Variants in CELF4 observed in about 807,000 individuals in gnomAD.
CELF4 encodes the protein CUG-BP- and ETR-3-like factor 4.
In CELF4, 18 loss-of-function variants were observed where a neutral mutation model predicts 59.9. That is an observed-to-expected ratio of 0.30 (90% CI 0.21 to 0.45). The LOEUF is 0.45. Among genes scored for constraint, CELF4 ranks in the 20% least tolerant of loss-of-function variants. The pLI is 1.00. For missense variants in CELF4, 456 were observed against 689.0 expected (o/e 0.66, Z 3.79); for synonymous variants, 261 against 267.1 (o/e 0.98, Z 0.22).
In CELF4 at chr18:37,245,183, G is replaced by A. The variant is rs1014434895; in HGVS notation, c.*59C>T. On this transcript the variant is annotated 3_prime_UTR_variant, in exon 13 of 13. Transcript: ENST00000420428. This position sits in a 1 kb window ranked among gnomAD's most constrained non-coding sequence, Gnocchi z 4.1. ...AGAGGTTTGTTTTTTAATGTAGCCC[G>A]TTCAGCATCCTGCCCTAAAATGAAG... 3.3e-5 allele frequency: 5 copies of A among 152,154 alleles called. No homozygotes were observed. Among genetic ancestry groups the A allele is most frequent in the East Asian group, 1.9e-4 (1 of 5,170 alleles). The allele number at this position is 152,154 out of a possible 1,614,324, so 9.4% of individuals were successfully genotyped here.
intron 1 of CELF4, among the ~76,000 whole-genome samples, chr18:37,525,382 A>G (rs1384300081): frequency 6.6e-6 from 1 of 152,190 alleles, no homozygotes. Context: ...GGCCACGCCT[A>G]GACTGGGAGC....
chr18:37,485,512 G>C lies in CELF4; in HGVS notation c.369+13C>G. 2.2e-6 allele frequency: 3 copies of C among 1,344,542 alleles called. No homozygotes were observed. Among genetic ancestry groups the C allele is most frequent in the East Asian group, 6.1e-5 (2 of 32,902 alleles). The allele number at this position is 1,344,542 out of a possible 1,614,324, so 83.3% of individuals were successfully genotyped here. On this transcript the variant is annotated intron_variant, in intron 2 of 12. Coordinates refer to ENST00000420428, the MANE Select transcript of CELF4 (RefSeq NM_020180.4). ...GCGCGTCGGCCGCTTGCGCCACGGC[G>C]GGCGCCACTTACCCCGGGCAGAGTC...
chr18:37,410,103 T>C (rs1331421653), intron 2 of CELF4, among the ~76,000 whole-genome samples: 2 of 152,098 alleles, frequency 1.3e-5, no homozygotes, highest in Non-Finnish European at 2.9e-5. Context: ...TGCCGATGTG[T>C]GTGAGGTTCT....
intron 1 of CELF4, among the ~76,000 whole-genome samples, chr18:37,508,657 C>T (rs1171352415): frequency 1.3e-5 from 2 of 152,222 alleles, no homozygotes; most frequent in African/African-American, 2.4e-5. Flanking sequence ...CATCACATCT[C>T]TGTGTGTGCT....
intron 1 of CELF4, among the ~76,000 whole-genome samples, chr18:37,490,381 GA>G (rs970854397): frequency 2.9e-3 from 429 of 149,748 alleles, no homozygotes; most frequent in African/African-American, 9.6e-3. Flanking sequence ...AACTTGAAAG[GA>G]AAAAAAAAAT....
intron 2 of CELF4, among the ~76,000 whole-genome samples, chr18:37,353,977 T>C (rs528128508): frequency 1.3e-5 from 2 of 151,956 alleles, no homozygotes; most frequent in South Asian, 4.2e-4. Flanking sequence ...GGATGGTCTC[T>C]ATCTCCTGAC....
intron 1 of CELF4, among the ~76,000 whole-genome samples, chr18:37,557,640 C>T (rs2099985190): frequency 6.6e-6 from 1 of 152,300 alleles, no homozygotes; most frequent in East Asian, 1.9e-4. Context: ...AAAGTAACAT[C>T]GCGGTCAGTT....
chr18:37,326,951 A>G (rs2097338783), intron 2 of CELF4, among the ~76,000 whole-genome samples: 1 of 152,222 alleles, frequency 6.6e-6, no homozygotes. Context: ...TCATTCAGCT[A>G]TGAAAACTGG....
chr18:37,293,333 T>A (rs1001235779), intron 3 of CELF4, among the ~76,000 whole-genome samples: 10 of 152,216 alleles, frequency 6.6e-5, no homozygotes, highest in Admixed American at 1.3e-4. Context: ...TAGCTTCTGG[T>A]GTTTCCCAGC....
chr18:37,308,275 A>G (rs530109086), intron 3 of CELF4, among the ~76,000 whole-genome samples: 32 of 151,956 alleles, frequency 2.1e-4, no homozygotes, highest in Admixed American at 1.2e-3. Flanking sequence ...CCCCACCCCA[A>G]ACTCCTTTGC....
chr18:37,316,215 G>T (rs2096865319), intron 3 of CELF4, among the ~76,000 whole-genome samples: 2 of 152,116 alleles, frequency 1.3e-5, no homozygotes, highest in Non-Finnish European at 2.9e-5. Flanking sequence ...CACCTCTGAG[G>T]GGGCCAGCTG....
chr18:37,436,670 A>T (rs2099693694), intron 2 of CELF4, among the ~76,000 whole-genome samples: 1 of 152,174 alleles, frequency 6.6e-6, no homozygotes, highest in Non-Finnish European at 1.5e-5. Context: ...TCAGGAGAAC[A>T]CACAATTCAG....
At chr18:37,422,683 AGT>A (rs1409111656) in intron 2 of CELF4, among the ~76,000 whole-genome samples, 4 of 152,174 alleles carry the variant, frequency 2.6e-5, no homozygotes, top group Non-Finnish European at 4.4e-5. Flanking sequence ...CATGCATGAA[AGT>A]GAGAGAGAGC....
intron 12 of CELF4, among the ~76,000 whole-genome samples, chr18:37,248,649 C>T (rs1253393127): frequency 6.6e-6 from 1 of 152,230 alleles, no homozygotes; most frequent in East Asian, 1.9e-4. Context: ...AGCTTTCTTT[C>T]CTGGTGGAGC....
rs140416872 is a variant in CELF4 at position 37,532,344 on chromosome 18, T to C, written c.286+33012A>G. Among the ~76,000 whole-genome samples, 9 of 152,328 alleles carry C rather than the reference T, an allele frequency of 5.9e-5. No homozygotes were observed. In the East Asian group the frequency reaches 1.5e-3, roughly 26 times the overall value. ...TGGGGAAATACGGCTTTGTACTTTA[T>C]TTCTTTGTAGGCATTTGGAGGGCAG... On this transcript the variant is annotated intron_variant, in intron 1 of 12. Coordinates refer to ENST00000420428, the MANE Select transcript of CELF4 (RefSeq NM_020180.4).
chr18:37,550,091 G>GGC (rs1555649348), intron 1 of CELF4, among the ~76,000 whole-genome samples: 1 of 27,358 alleles, frequency 3.7e-5, no homozygotes, highest in African/African-American at 4.9e-5. Flanking sequence ...GGTGGGGGGG[G>GGC]GGGATCCGTG....
chr18:37,294,158 GT>G, intron 3 of CELF4, among the ~76,000 whole-genome samples: 2 of 152,298 alleles, frequency 1.3e-5, no homozygotes, highest in Middle Eastern at 3.4e-3. Context: ...GACTCCCACG[GT>G]TCTGTGTCTA....
At chr18:37,336,892 C>T (rs1186202172) in intron 2 of CELF4, among the ~76,000 whole-genome samples, 1 of 151,458 alleles carries the variant, frequency 6.6e-6, no homozygotes, top group Non-Finnish European at 1.5e-5. Flanking sequence ...GTGCTGTCAC[C>T]CCAACCCCCG....
chr18:37,484,695 T>C (rs1490763366), intron 2 of CELF4, among the ~76,000 whole-genome samples: 1 of 152,192 alleles, frequency 6.6e-6, no homozygotes, highest in Non-Finnish European at 1.5e-5. Flanking sequence ...TGGAAACGTG[T>C]GTTTACATAC....
Sources: allele counts gnomAD v4.1 joint callset (sites outside exome capture counted in the v4.1 genomes callset), GRCh38; gene constraint gnomAD v4.1.1; non-coding constraint Gnocchi (gnomAD v3.1); transcripts MANE v1.5; gene names NCBI Gene and HGNC (gene_info 2026-07-23, HGNC 2026-07-21).